BNC2: variants seen among roughly 807,000 people sequenced by gnomAD.
BNC2 encodes basonuclin zinc finger protein 2.
BNC2 carries 20 observed loss-of-function variants against 76.3 expected under a neutral mutation model. The ratio of observed to expected loss-of-function variants is 0.26; its 90% CI spans 0.18 to 0.38. The LOEUF (loss-of-function observed/expected upper bound fraction) is 0.38. BNC2 is among the 10% of genes least tolerant of loss of function. BNC2 has a pLI of 1.00. For synonymous variants in BNC2, 582 were observed against 514.8 expected, an observed-to-expected ratio of 1.13 and a Z score of -1.77; for missense variants, 1,382 against 1,399.8, an observed-to-expected ratio of 0.99 and a Z score of 0.20.
intron 5 of BNC2, among the ~76,000 whole-genome samples, chr9:16,511,116 T>TTTA (rs1822744090): frequency 1.3e-5 from 2 of 150,696 alleles, no homozygotes; most frequent in South Asian, 4.2e-4. Context: ...TTTTTTTTTT[T>TTTA]TTTTTTTTTT....
intron 3 of BNC2, among the ~76,000 whole-genome samples, chr9:16,719,766 AT>A (rs2134852421): frequency 6.6e-6 from 1 of 152,310 alleles, no homozygotes; most frequent in South Asian, 2.1e-4. Flanking sequence ...TTAAATTTTA[AT>A]TTCATAATAC....
chr9:16,598,092 CTT>C (rs1426856521), intron 3 of BNC2, among the ~76,000 whole-genome samples: 3 of 152,200 alleles, frequency 2.0e-5, no homozygotes, highest in Admixed American at 6.5e-5. Flanking sequence ...GAAATAAAAT[CTT>C]TGTTACTATT....
intron 1 of BNC2, among the ~76,000 whole-genome samples, chr9:16,761,076 C>G (rs1035797300): frequency 9.3e-6 from 1 of 107,030 alleles, no homozygotes; most frequent in African/African-American, 2.6e-5. Flanking sequence ...GGCCCCGTCT[C>G]TACAAAAAAA....
chr9:16,583,063 T>C lies in BNC2; in HGVS notation c.353A>G (p.Asn118Ser), dbSNP rs760905584. The C allele has an allele frequency of 3.1e-6, 5 of 1,613,946 alleles. No individual in the cohort carries two copies. Among genetic ancestry groups the C allele is most frequent in the Non-Finnish European group, 3.4e-6 (4 of 1,179,984 alleles). Residue 118 changes from asparagine (N) to serine (S), a missense_variant, in exon 4 of 7, where the codon AAC becomes AGC. Physicochemically the swap from Asn to Ser is conservative, Grantham distance 46 (BLOSUM62 1). Coordinates refer to ENST00000380672, the MANE Select transcript of BNC2 (RefSeq NM_017637.6). ...TGGCTGAAAACATTCACATGTGCAG[T>C]TTACCAGTGTGCAACGGATGGCCTG... Reference protein sequence around the residue: ...SQQAIRCTLVNCTCECFQPGK... With the variant: ...SQQAIRCTLVSCTCECFQPGK...
chr9:16,699,062 T>C (rs1325179770), intron 3 of BNC2: 9 of 398,242 alleles, frequency 2.3e-5, no homozygotes, highest in Non-Finnish European at 4.5e-5. Context: ...AAAGCTAAGA[T>C]GGTATTTTTA....
At chr9:16,696,193 A>G (rs1035258191) in intron 3 of BNC2, among the ~76,000 whole-genome samples, 1 of 152,144 alleles carries the variant, frequency 6.6e-6, no homozygotes, top group Admixed American at 6.5e-5. Flanking sequence ...ATTGTCGAAC[A>G]CATTCTCCTA....
At chr9:16,524,756 T>C (rs973542324) in intron 5 of BNC2, among the ~76,000 whole-genome samples, 7 of 152,216 alleles carry the variant, frequency 4.6e-5, no homozygotes, top group Non-Finnish European at 7.3e-5. Flanking sequence ...ATAACAATCC[T>C]GGCTGAAAAA....
At chr9:16,472,357 A>T (rs1322350955) in intron 5 of BNC2, among the ~76,000 whole-genome samples, 1 of 152,208 alleles carries the variant, frequency 6.6e-6, no homozygotes, top group Non-Finnish European at 1.5e-5. Flanking sequence ...AGCTTACATG[A>T]GGTGCTGCCC....
At chr9:16,673,041 G>A (rs1445507099) in intron 3 of BNC2, among the ~76,000 whole-genome samples, 1 of 151,984 alleles carries the variant, frequency 6.6e-6, no homozygotes, top group African/African-American at 2.4e-5. Context: ...AGTTTTGGGG[G>A]GGTTTTTTAT....
chr9:16,456,720 A>T (rs538955389), intron 5 of BNC2, among the ~76,000 whole-genome samples: 328 of 152,256 alleles, frequency 2.2e-3, no homozygotes, highest in African/African-American at 7.4e-3. Flanking sequence ...AGAGTCCTTG[A>T]AAATGGAGAT....
In BNC2 at chr9:16,413,484, T is replaced by A. The variant is rs1208365177; in HGVS notation, c.*5505A>T. 6.6e-6 allele frequency: 1 copy of A among 152,164 alleles called. No homozygotes were observed. Among genetic ancestry groups the A allele is most frequent in the Non-Finnish European group, 1.5e-5 (1 of 68,032 alleles). The allele number at this position is 152,164 out of a possible 1,614,324, so 9.4% of individuals were successfully genotyped here. A position where few individuals can be genotyped will look rare whatever the true frequency, so the allele number is the denominator to read the frequency against. Reference sequence around the variant, plus strand: ...TTCAACAAATGCCAAAAAGACAGTATGCCGAATAACATAGTTATTGCCGAA... The same window carrying A: ...TTCAACAAATGCCAAAAAGACAGTAAGCCGAATAACATAGTTATTGCCGAA... On this transcript the variant is annotated 3_prime_UTR_variant, in exon 7 of 7. Transcript: ENST00000380672.
chr9:16,539,732 G>GGGAAA lies in BNC2; in HGVS notation c.669+12793_669+12797dup, dbSNP rs750303014. Among the ~76,000 whole-genome samples the GGGAAA allele has an allele frequency of 1.1e-3, 128 of 112,034 alleles. 1 individual carries two copies. The highest frequency in any genetic ancestry group is 2.9e-3 in the South Asian group (9 of 3,092). The allele number at this position is 112,034 out of a possible 152,430, so 73.5% of individuals were successfully genotyped here. A position where few individuals can be genotyped will look rare whatever the true frequency, so the allele number is the denominator to read the frequency against. ...GAAGGAAGGAAGGGGAAGGAAAAGA[G>GGGAAA]GGAAAGGGAAGGGAAGGGAAGGAAA... is the stretch of plus-strand genomic sequence containing the variant. On this transcript the variant is annotated intron_variant, in intron 5 of 6. Coordinates refer to ENST00000380672, the MANE Select transcript of BNC2 (RefSeq NM_017637.6).
rs113777392 is a variant in BNC2, at chr9:16,418,899, A to ACACACACC, written c.*89_*90insGGTGTGTG. ...CACACACACACACACACACACACAC[A>ACACACACC]CCCCAAGTACATAAGCGCACACTGA... On this transcript the variant is annotated 3_prime_UTR_variant, in exon 7 of 7. Coordinates refer to ENST00000380672, the MANE Select transcript of BNC2 (RefSeq NM_017637.6). 1.6e-4 allele frequency: 224 copies of ACACACACC among 1,401,396 alleles called. 1 individual carries two copies. Among genetic ancestry groups the ACACACACC allele is most frequent in the African/African-American group, 5.9e-4 (41 of 69,840 alleles). 86.8% of individuals were successfully genotyped at this position (1,401,396 alleles called of 1,614,324 possible). A position where few individuals can be genotyped will look rare whatever the true frequency, so the allele number is the denominator to read the frequency against.
intron 3 of BNC2, among the ~76,000 whole-genome samples, chr9:16,632,378 A>G (rs995073899): frequency 7.2e-5 from 11 of 152,066 alleles, no homozygotes; most frequent in African/African-American, 2.7e-4. Context: ...AAAAACTGGC[A>G]TAGCCTTGTA....
At chr9:16,771,468 G>A (rs1242723999) in intron 1 of BNC2, among the ~76,000 whole-genome samples, 1 of 152,190 alleles carries the variant, frequency 6.6e-6, no homozygotes, top group Non-Finnish European at 1.5e-5. Flanking sequence ...TGGCACCCAA[G>A]GTTTGGTTTT....
At chr9:16,707,886 C>T (rs1284909204) in intron 3 of BNC2, among the ~76,000 whole-genome samples, 2 of 152,164 alleles carry the variant, frequency 1.3e-5, no homozygotes, top group East Asian at 3.9e-4. Flanking sequence ...AGGTGCTCTG[C>T]CCACCTTAGC....
chr9:16,605,064 T>G (rs1225963465), intron 3 of BNC2, among the ~76,000 whole-genome samples: 1 of 152,132 alleles, frequency 6.6e-6, no homozygotes, highest in East Asian at 1.9e-4. Flanking sequence ...TGATGTCCCC[T>G]CATACACGCC....
At chr9:16,773,619 G>A (rs944441381) in intron 1 of BNC2, among the ~76,000 whole-genome samples, 4 of 152,100 alleles carry the variant, frequency 2.6e-5, no homozygotes, top group Non-Finnish European at 5.9e-5. Context: ...GACAGCCGCT[G>A]AGATAAAGGG....
chr9:16,699,101 G>C, intron 3 of BNC2: 2 of 437,088 alleles, frequency 4.6e-6, no homozygotes, highest in South Asian at 1.7e-5. Flanking sequence ...TAGTGATTTT[G>C]TTGTTGCTGT....
Sources: allele counts gnomAD v4.1 joint callset (sites outside exome capture counted in the v4.1 genomes callset), GRCh38; gene constraint gnomAD v4.1.1; transcripts MANE v1.5; gene names NCBI Gene and HGNC (gene_info 2026-07-23, HGNC 2026-07-21).